KIAA1217: variants seen among roughly 807,000 people sequenced by gnomAD.
KIAA1217 encodes the protein sickle tail protein homolog.
In KIAA1217, 88 loss-of-function variants were observed where a neutral mutation model predicts 163.9. That is an observed-to-expected ratio of 0.54 (90% CI 0.45 to 0.64). The LOEUF is 0.64. KIAA1217 is among the 30% of genes least tolerant of loss of function. KIAA1217 has a pLI of 0.00. For synonymous variants in KIAA1217, 903 were observed against 923.1 expected (o/e 0.98, Z 0.39); for missense variants, 2,372 against 2,475.0 (o/e 0.96, Z 0.88).
intron 5 of KIAA1217, among the ~76,000 whole-genome samples, chr10:24,472,235 G>C (rs1033707611): frequency 6.6e-6 from 1 of 152,120 alleles, no homozygotes; most frequent in Admixed American, 6.5e-5. Context: ...GGGGAGGGAG[G>C]ATATCTGTGT....
intron 1 of KIAA1217, among the ~76,000 whole-genome samples, chr10:23,825,036 T>C (rs1837835044): frequency 6.6e-6 from 1 of 152,332 alleles, no homozygotes; most frequent in African/African-American, 2.4e-5. Flanking sequence ...TGGTTTGGTC[T>C]CAATTCAGCA....
At chr10:24,377,251 T>G (rs1237806682) in intron 2 of KIAA1217, among the ~76,000 whole-genome samples, 3 of 152,166 alleles carry the variant, frequency 2.0e-5, no homozygotes, top group African/African-American at 7.2e-5. Flanking sequence ...TTTGGGGAAG[T>G]CTTTACAAGG....
chr10:24,053,424 T>C (rs1051819970), intron 2 of KIAA1217, among the ~76,000 whole-genome samples: 2 of 152,164 alleles, frequency 1.3e-5, no homozygotes, highest in Admixed American at 6.5e-5. Context: ...TATGAATATA[T>C]ATATATAGCA....
intron 3 of KIAA1217, among the ~76,000 whole-genome samples, chr10:24,426,221 G>A (rs986557765): frequency 6.6e-6 from 1 of 152,206 alleles, no homozygotes; most frequent in Non-Finnish European, 1.5e-5. Flanking sequence ...ATAATTTAAT[G>A]TGTTTCAACT....
chr10:24,179,331 T>A (rs1589796813), intron 2 of KIAA1217, among the ~76,000 whole-genome samples: 1 of 152,194 alleles, frequency 6.6e-6, no homozygotes, highest in African/African-American at 2.4e-5. Context: ...TGGTTTCTAA[T>A]GATTTAGCAC....
intron 1 of KIAA1217, among the ~76,000 whole-genome samples, chr10:23,770,728 C>G (rs1834760487): frequency 6.6e-6 from 1 of 152,150 alleles, no homozygotes; most frequent in Admixed American, 6.5e-5. Flanking sequence ...CTAATTTCCC[C>G]CAAAGCAATG....
chr10:24,097,346 G>A (rs999971997), intron 2 of KIAA1217, among the ~76,000 whole-genome samples: 5 of 152,194 alleles, frequency 3.3e-5, no homozygotes, highest in African/African-American at 1.2e-4. Context: ...GAGCCTGGGA[G>A]TTTAAGACTA....
chr10:23,821,100 T>TGC (rs745787293), intron 1 of KIAA1217, among the ~76,000 whole-genome samples: 2,271 of 131,090 alleles, frequency 0.017, 28 homozygotes, highest in South Asian at 0.075. Context: ...CAGCTGTGTG[T>TGC]GTGCGTGTGT....
intron 1 of KIAA1217, among the ~76,000 whole-genome samples, chr10:23,909,669 A>C (rs1589057374): frequency 6.6e-6 from 1 of 152,182 alleles, no homozygotes; most frequent in African/African-American, 2.4e-5. Context: ...TATATGTGCC[A>C]CATTTTCTTT....
At chr10:24,105,524 G>T (rs2062591183) in intron 2 of KIAA1217, among the ~76,000 whole-genome samples, 1 of 152,174 alleles carries the variant, frequency 6.6e-6, no homozygotes, top group African/African-American at 2.4e-5. Flanking sequence ...AGTTCCTCCT[G>T]CTCAAGAAAC....
chr10:23,925,155 T>C (rs367615270), intron 1 of KIAA1217, among the ~76,000 whole-genome samples: 37 of 151,876 alleles, frequency 2.4e-4, no homozygotes, highest in East Asian at 1.6e-3. Context: ...GGAAGATAGA[T>C]AGGGAAAGAA....
At chr10:24,333,074 C>A (rs1207626225) in intron 2 of KIAA1217, among the ~76,000 whole-genome samples, 2 of 151,874 alleles carry the variant, frequency 1.3e-5, no homozygotes, top group Non-Finnish European at 1.5e-5. Context: ...CAGGCTGGAG[C>A]GGGGTGGTGT....
chr10:24,148,998 G>T (rs1222823405), intron 2 of KIAA1217, among the ~76,000 whole-genome samples: 1 of 152,130 alleles, frequency 6.6e-6, no homozygotes, highest in Non-Finnish European at 1.5e-5. Context: ...CTCATTCTGT[G>T]TTGAGGTGAG....
chr10:23,884,513 A>G (rs1841089165), intron 1 of KIAA1217, among the ~76,000 whole-genome samples: 1 of 151,950 alleles, frequency 6.6e-6, no homozygotes, highest in Non-Finnish European at 1.5e-5. Flanking sequence ...TAGAGCAGCA[A>G]TCGGGCAAGC....
At chr10:24,205,088 G>GA (rs1564825911), upstream of KIAA1217, among the ~76,000 whole-genome samples, 1 of 151,964 alleles carries the variant, frequency 6.6e-6, no homozygotes, top group Admixed American at 6.6e-5. Flanking sequence ...GATTTAAAGT[G>GA]AAAAAATATT....
chr10:23,841,416 T>C lies in KIAA1217; in HGVS notation c.-321+146182T>C, dbSNP rs931353174. Reference sequence around the variant, plus strand: ...GTACACAGTCCTCGATGCACATAAATACTATTTATTTAATGTACCAAAATA... The same window carrying C: ...GTACACAGTCCTCGATGCACATAAACACTATTTATTTAATGTACCAAAATA... On this transcript the variant is annotated intron_variant, in intron 1 of 18. Transcript: ENST00000376462. Among the ~76,000 whole-genome samples, 6 of 152,260 alleles carry C rather than the reference T, an allele frequency of 3.9e-5. No homozygotes were observed. The South Asian group carries it at 8.3e-4, about 21-fold the overall frequency.
At chr10:24,406,694 G>A (rs1414243319) in intron 3 of KIAA1217, among the ~76,000 whole-genome samples, 1 of 152,142 alleles carries the variant, frequency 6.6e-6, no homozygotes, top group African/African-American at 2.4e-5. Context: ...GATGACTATA[G>A]AGAATATACC....
intron 1 of KIAA1217, among the ~76,000 whole-genome samples, chr10:23,931,936 G>A (rs1410653026): frequency 6.6e-6 from 1 of 152,096 alleles, no homozygotes; most frequent in Non-Finnish European, 1.5e-5. Context: ...CCTGTCTAAA[G>A]GGACAAAAAA....
intron 1 of KIAA1217, among the ~76,000 whole-genome samples, chr10:23,841,972 A>G (rs927305451): frequency 4.6e-5 from 7 of 151,852 alleles, no homozygotes; most frequent in Middle Eastern, 3.2e-3. Context: ...GGTTCAAGCT[A>G]TTCTCCAGCC....
Sources: allele counts gnomAD v4.1 joint callset (sites outside exome capture counted in the v4.1 genomes callset), GRCh38; gene constraint gnomAD v4.1.1; transcripts MANE v1.5; gene names NCBI Gene and HGNC (gene_info 2026-07-23, HGNC 2026-07-21).